SCOC: variants seen among roughly 807,000 people sequenced by gnomAD.
The protein encoded by SCOC is short coiled coil protein.
SCOC carries 7 observed loss-of-function variants against 9.9 expected under a neutral mutation model. The observed-to-expected ratio is 0.71, with a 90% CI of 0.40 to 1.33. The LOEUF is 1.33. SCOC is among the 40% of genes most tolerant of loss of function. SCOC has a pLI of 0.01. For missense variants in SCOC, 66 were observed against 89.7 expected, an observed-to-expected ratio of 0.74 and a Z score of 1.07; for synonymous variants, 19 against 28.2, an observed-to-expected ratio of 0.67 and a Z score of 1.03.
At chr4:140,303,175 G>T (rs1731863042) in intron 1 of SCOC, among the ~76,000 whole-genome samples, 1 of 152,150 alleles carries the variant, frequency 6.6e-6, no homozygotes. Flanking sequence ...TATGCAAAGA[G>T]CCTTTATCTT....
intron 2 of SCOC, chr4:140,366,830 G>A (rs1163574606): frequency 5.5e-6 from 5 of 911,968 alleles, no homozygotes; most frequent in African/African-American, 1.6e-5. Flanking sequence ...TAGCCCACAC[G>A]GCCAACCTCC....
At chr4:140,373,486 G>A, upstream of SCOC, 2 of 1,551,356 alleles carry the variant, frequency 1.3e-6, no homozygotes, top group Non-Finnish European at 1.7e-6. Context: ...TTATGGCAAA[G>A]GTGGATCCCG....
intron 1 of SCOC, among the ~76,000 whole-genome samples, chr4:140,299,271 T>C (rs578190185): frequency 3.3e-5 from 5 of 152,188 alleles, no homozygotes; most frequent in Non-Finnish European, 7.3e-5. Flanking sequence ...GTGCTAGCCA[T>C]TGTGAGGGAT....
chr4:140,265,265 T>C (rs1243827425), intron 1 of SCOC, among the ~76,000 whole-genome samples: 1 of 152,228 alleles, frequency 6.6e-6, no homozygotes, highest in Non-Finnish European at 1.5e-5. Context: ...AGTCGGTCCC[T>C]GAGTCAAGGA....
intron 2 of SCOC, among the ~76,000 whole-genome samples, chr4:140,344,848 TG>T (rs1467262814): frequency 6.6e-6 from 1 of 152,140 alleles, no homozygotes; most frequent in Non-Finnish European, 1.5e-5. Flanking sequence ...CTATATGCTG[TG>T]GGAGGATGCA....
intron 1 of SCOC, chr4:140,293,322 C>T (rs1381967437): frequency 4.4e-6 from 2 of 456,710 alleles, no homozygotes; most frequent in Non-Finnish European, 8.8e-6. Flanking sequence ...AAAGGCTTAT[C>T]TTTACTGCCT....
At chr4:140,344,767 A>G (rs11737516) in intron 2 of SCOC, among the ~76,000 whole-genome samples, 86,291 of 152,092 alleles carry the variant, frequency 0.57, 26,406 homozygotes, top group Non-Finnish European at 0.7. Context: ...AAGGCAGTGA[A>G]GGAAACAAAG....
chr4:140,295,959 A>G (rs1647188793), intron 1 of SCOC, among the ~76,000 whole-genome samples: 1 of 151,226 alleles, frequency 6.6e-6, no homozygotes, highest in Non-Finnish European at 1.5e-5. Context: ...AAAGAAAGAA[A>G]AAAAAAAAGA....
intron 1 of SCOC, among the ~76,000 whole-genome samples, chr4:140,312,216 G>T (rs1732177663): frequency 6.6e-6 from 1 of 152,112 alleles, no homozygotes; most frequent in African/African-American, 2.4e-5. Context: ...CTCAGTGGAG[G>T]CATTTCTAAT....
intron 1 of SCOC, among the ~76,000 whole-genome samples, chr4:140,292,629 C>T (rs904058405): frequency 4.6e-5 from 7 of 152,198 alleles, no homozygotes; most frequent in Admixed American, 1.3e-4. Flanking sequence ...GGCCTGGAAG[C>T]CAGAATAAGA....
chr4:140,260,086 A>G (rs757177581), intron 1 of SCOC, among the ~76,000 whole-genome samples: 1 of 152,240 alleles, frequency 6.6e-6, no homozygotes, highest in Non-Finnish European at 1.5e-5. Flanking sequence ...TTGAGCACTC[A>G]GCAAACACTG....
rs1266787086 is a variant in SCOC, at chr4:140,382,093, C to G, written c.*989C>G. 2 of 152,104 alleles carry G rather than the reference C, an allele frequency of 1.3e-5. No homozygotes were observed. Among genetic ancestry groups the G allele is most frequent in the African/African-American group, 4.8e-5 (2 of 41,414 alleles). The allele number at this position is 152,104 out of a possible 1,614,324, so 9.4% of individuals were successfully genotyped here. ...AGTTGATTTGTACCCAGTGGGTCAA[C>G]TTCTGCAAAATTCCGTAATGGTGTA... is the stretch of plus-strand genomic sequence containing the variant. On this transcript the variant is annotated 3_prime_UTR_variant, in exon 4 of 4. Transcript: ENST00000608372.
At chr4:140,272,683 T>G (rs531718428) in intron 1 of SCOC, among the ~76,000 whole-genome samples, 72 of 152,096 alleles carry the variant, frequency 4.7e-4, no homozygotes, top group South Asian at 8.3e-4. Flanking sequence ...ATGTGGAGGG[T>G]GCAGGGGAGG....
At chr4:140,336,628 T>C (rs1171236647) in intron 1 of SCOC, among the ~76,000 whole-genome samples, 2 of 152,222 alleles carry the variant, frequency 1.3e-5, no homozygotes, top group South Asian at 2.1e-4. Flanking sequence ...CATTTCTCCA[T>C]TGATGGGCAT....
upstream of SCOC, among the ~76,000 whole-genome samples, chr4:140,342,696 T>TC (rs1259708032): frequency 6.6e-6 from 1 of 152,224 alleles, no homozygotes; most frequent in Admixed American, 6.5e-5. Context: ...GCTATTTTTT[T>TC]CCGCAAAGGA....
chr4:140,324,232 C>T (rs1457305936), intron 1 of SCOC, among the ~76,000 whole-genome samples: 1 of 152,050 alleles, frequency 6.6e-6, no homozygotes, highest in Non-Finnish European at 1.5e-5. Context: ...CTATGAAATA[C>T]CTACAACTAG....
At chr4:140,285,149 A>C in intron 1 of SCOC, 1 of 456,636 alleles carries the variant, frequency 2.2e-6, no homozygotes. Context: ...TTGTATATGA[A>C]GCAAACAGGA....
rs1266857496 is a variant in SCOC, at chr4:140,373,757, C to T, written c.-51+40C>T. 5 of 1,526,254 alleles carry T rather than the reference C, an allele frequency of 3.3e-6. No homozygotes were observed. The East Asian group carries it at 1.2e-4, about 37-fold the overall frequency. 94.5% of individuals were successfully genotyped at this position (1,526,254 alleles called of 1,614,324 possible). A position where few individuals can be genotyped will look rare whatever the true frequency, so the allele number is the denominator to read the frequency against. ...GGGCAGCGGAGGGCCTGGCCCCAGG[C>T]GACTAGAGCTGCATCCTCAGTACCT... On this transcript the variant is annotated intron_variant, in intron 1 of 3. Coordinates refer to ENST00000608372, the MANE Select transcript of SCOC (RefSeq NM_001153484.2).
At chr4:140,374,163 C>G (rs1031419294) in intron 1 of SCOC, 2 of 460,012 alleles carry the variant, frequency 4.3e-6, no homozygotes, top group African/African-American at 2.0e-5. Context: ...GGGGAGGGAG[C>G]CTAGAGAGCC....
Sources: allele counts gnomAD v4.1 joint callset (sites outside exome capture counted in the v4.1 genomes callset), GRCh38; gene constraint gnomAD v4.1.1; transcripts MANE v1.5; gene names NCBI Gene and HGNC (gene_info 2026-07-23, HGNC 2026-07-21).